PPP1R12A: variants seen among roughly 807,000 people sequenced by gnomAD.
The protein encoded by PPP1R12A is myosin binding subunit.
PPP1R12A carries 19 observed loss-of-function variants against 139.6 expected under a neutral mutation model. The observed-to-expected ratio is 0.14, with a 90% CI of 0.09 to 0.20. The LOEUF (loss-of-function observed/expected upper bound fraction) is 0.20. Among genes scored for constraint, PPP1R12A ranks in the 10% least tolerant of loss-of-function variants. The probability of loss-of-function intolerance (pLI) is 1.00; values close to 1 mark genes in which losing one functional copy is unlikely to be tolerated. For missense variants in PPP1R12A, 925 were observed against 1,211.5 expected, an observed-to-expected ratio of 0.76 and a Z score of 3.51; for synonymous variants, 427 against 420.6, an observed-to-expected ratio of 1.02 and a Z score of -0.19.
At position 79,934,741 on chromosome 12, in the gene PPP1R12A, G is replaced by C. The variant is rs1208615552; in HGVS notation, c.191C>G (p.Ala64Gly). The C allele has an allele frequency of 2.6e-6, 4 of 1,550,100 alleles. No homozygotes were observed. The highest frequency in any genetic ancestry group is 3.5e-6 in the Non-Finnish European group (4 of 1,146,228). Residue 64 changes from alanine to glycine, a missense_variant, in exon 1 of 25, where the codon GCC becomes GGC. By Grantham distance (60) the Ala-to-Gly change is moderately conservative. Coordinates refer to ENST00000450142, the MANE Select transcript of PPP1R12A (RefSeq NM_002480.3). The stretch of plus-strand genomic sequence containing the variant: ...GTCCACATTGGCGTAATTGATGTCG[G>C]CGCCGCGGTGCAGCAGCTTGAGGAC... ...DEVLKLLHRG[A>G]DINYANVDGL...
intron 5 of PPP1R12A, chr12:79,823,769 A>AT (rs796586348): frequency 3.3e-5 from 5 of 153,688 alleles, no homozygotes; most frequent in South Asian, 2.1e-4. Flanking sequence ...TAGTTTTTGT[A>AT]TTTTTTTGTA....
chr12:79,921,716 CTA>C (rs907834812), intron 1 of PPP1R12A, among the ~76,000 whole-genome samples: 1 of 152,106 alleles, frequency 6.6e-6, no homozygotes, highest in African/African-American at 2.4e-5. Context: ...GGTGATCTCT[CTA>C]TGTTTCTTGC....
intron 3 of PPP1R12A, among the ~76,000 whole-genome samples, chr12:79,840,938 A>C (rs879194235): frequency 6.6e-6 from 1 of 151,998 alleles, no homozygotes; most frequent in Non-Finnish European, 1.5e-5. Flanking sequence ...CTATCTTTTC[A>C]GGCCTCATCT....
rs1194939422 is a variant in PPP1R12A at position 79,835,452 on chromosome 12, CCTGA to C, written c.488-2965_488-2962del. ...TACAGGTTCTGTCTCTATGGAGAAG[CCTGA>C]CTAATACACCATCCTATTAGTTACC... On this transcript the variant is annotated intron_variant, in intron 3 of 24. Coordinates refer to ENST00000450142, the MANE Select transcript of PPP1R12A (RefSeq NM_002480.3). Among the ~76,000 whole-genome samples the C allele has an allele frequency of 3.9e-5, 6 of 152,134 alleles. No homozygotes were observed. The East Asian group carries it at 5.8e-4, about 15-fold the overall frequency.
intron 8 of PPP1R12A, among the ~76,000 whole-genome samples, chr12:79,819,920 T>C (rs919562279): frequency 1.6e-4 from 24 of 150,016 alleles, no homozygotes; most frequent in African/African-American, 5.9e-4. Context: ...AATAGAATAC[T>C]ATACAATAGC....
chr12:79,812,382 C>CG (rs1874662125), intron 9 of PPP1R12A, among the ~76,000 whole-genome samples: 2 of 112,880 alleles, frequency 1.8e-5, no homozygotes, highest in African/African-American at 9.9e-5. Context: ...TTGACTGACT[C>CG]TGTGTGTGCG....
At chr12:79,843,612 ATATAGAT>A (rs778607718) in intron 3 of PPP1R12A, among the ~76,000 whole-genome samples, 7 of 18,242 alleles carry the variant, frequency 3.8e-4, no homozygotes, top group Non-Finnish European at 6.6e-4. Flanking sequence ...TCAAAAAAAA[ATATAGAT>A]ATAGATATAG....
At chr12:79,876,678 G>A (rs1211373570) in intron 1 of PPP1R12A, among the ~76,000 whole-genome samples, 1 of 152,038 alleles carries the variant, frequency 6.6e-6, no homozygotes, top group Admixed American at 6.6e-5. Context: ...AGAAACAAAA[G>A]AAATGCTTTT....
chr12:79,822,999 A>C (rs1320013944), intron 5 of PPP1R12A, among the ~76,000 whole-genome samples: 2 of 152,118 alleles, frequency 1.3e-5, no homozygotes, highest in African/African-American at 4.8e-5. Flanking sequence ...TTGGTAGAGT[A>C]ATAAAACTAA....
At chr12:79,925,525 G>A (rs895398934) in intron 1 of PPP1R12A, among the ~76,000 whole-genome samples, 2 of 152,182 alleles carry the variant, frequency 1.3e-5, no homozygotes, top group Non-Finnish European at 2.9e-5. Context: ...AGCTCTCTCT[G>A]CAGAATATCT....
intron 5 of PPP1R12A, among the ~76,000 whole-genome samples, chr12:79,826,949 G>A (rs1876856458): frequency 6.6e-6 from 1 of 152,214 alleles, no homozygotes; most frequent in Non-Finnish European, 1.5e-5. Context: ...TCACTGTTTG[G>A]GAGAGAAGAA....
chr12:79,933,291 T>C (rs1888386493), intron 1 of PPP1R12A, among the ~76,000 whole-genome samples: 1 of 152,240 alleles, frequency 6.6e-6, no homozygotes, highest in Non-Finnish European at 1.5e-5. Flanking sequence ...ACAAAGGCTA[T>C]ACTCCAAGTC....
chr12:79,883,459 G>T (rs904600663), intron 1 of PPP1R12A, among the ~76,000 whole-genome samples: 3 of 151,990 alleles, frequency 2.0e-5, no homozygotes, highest in Non-Finnish European at 4.4e-5. Context: ...AGGAAGCTTA[G>T]GAGGAAATGT....
At chr12:79,810,835 C>T (rs965418330) in intron 9 of PPP1R12A, among the ~76,000 whole-genome samples, 8 of 151,936 alleles carry the variant, frequency 5.3e-5, no homozygotes, top group Non-Finnish European at 8.8e-5. Context: ...AATTTTGTGT[C>T]CAATATAATC....
rs148586560 is a variant in PPP1R12A at position 79,925,819 on chromosome 12, G to A, written c.237+8876C>T. Among the ~76,000 whole-genome samples, 5 of 152,152 alleles carry A rather than the reference G, an allele frequency of 3.3e-5. No homozygotes were observed. In the East Asian group the frequency reaches 5.8e-4, roughly 18 times the overall value. ...AGGTCAGAAAATACTGACATAGAGG[G>A]AGCCATAGTAAAAATGTTATTTGGA... is the stretch of plus-strand genomic sequence containing the variant. On this transcript the variant is annotated intron_variant, in intron 1 of 24. Transcript: ENST00000450142.
intron 1 of PPP1R12A, among the ~76,000 whole-genome samples, chr12:79,905,281 G>A (rs549715122): frequency 2.0e-4 from 31 of 151,264 alleles, no homozygotes; most frequent in Non-Finnish European, 3.1e-4. Context: ...AATTTAGAGC[G>A]TGAACCACAT....
chr12:79,832,250 G>A (rs1877518157), intron 4 of PPP1R12A, 82 bp downstream of exon 4: 6 of 1,318,488 alleles, frequency 4.6e-6, no homozygotes, highest in Admixed American at 2.5e-5. Flanking sequence ...TCAAAATAAC[G>A]TTTGCAGGTA....
rs1869478627 is a variant in PPP1R12A, at chr12:79,773,772, A to C, written c.*2157T>G. 6.6e-6 allele frequency: 1 copy of C among 152,214 alleles called. No homozygotes were observed. Among genetic ancestry groups the C allele is most frequent in the African/African-American group, 2.4e-5 (1 of 41,470 alleles). 9.4% of individuals were successfully genotyped at this position (152,214 alleles called of 1,614,324 possible). A position where few individuals can be genotyped will look rare whatever the true frequency, so the allele number is the denominator to read the frequency against. The stretch of plus-strand genomic sequence containing the variant: ...TGAAAAAATACCCATGCAGAATTTA[A>C]ATATCTCAGAACAAAATTTAAAATG... On this transcript the variant is annotated 3_prime_UTR_variant, in exon 25 of 25. Coordinates refer to ENST00000450142, the MANE Select transcript of PPP1R12A (RefSeq NM_002480.3).
Position 79,935,024 on chromosome 12 carries a change from CTA to C in PPP1R12A, c.-95_-94del. On this transcript the variant is annotated 5_prime_UTR_variant, in exon 1 of 25. Coordinates refer to ENST00000450142, the MANE Select transcript of PPP1R12A (RefSeq NM_002480.3). ...GGAGGCAGGGGGTGTGTGAATGTTT[CTA>C]TGAGTGCGGGCCAGAGGAGGGCTGG... 2.0e-6 allele frequency: 3 copies of C among 1,466,818 alleles called. No individual in the cohort carries two copies. Among genetic ancestry groups the C allele is most frequent in the Non-Finnish European group, 2.7e-6 (3 of 1,108,016 alleles). The allele number at this position is 1,466,818 out of a possible 1,614,324, so 90.9% of individuals were successfully genotyped here. A position where few individuals can be genotyped will look rare whatever the true frequency, so the allele number is the denominator to read the frequency against.
Sources: gnomAD v4.1 joint callset for allele counts (sites outside exome capture counted in the v4.1 genomes callset) on GRCh38, gnomAD v4.1.1 for gene constraint, MANE v1.5 for transcripts, NCBI Gene and HGNC (gene_info 2026-07-23, HGNC 2026-07-21) for gene names.